Variants in TSHZ3 observed in about 807,000 individuals in gnomAD.
The protein encoded by TSHZ3 is teashirt homolog 3.
In TSHZ3, 10 loss-of-function variants were observed where a neutral mutation model predicts 64.5. The observed-to-expected ratio is 0.16, with a 90% CI of 0.10 to 0.26. The LOEUF (loss-of-function observed/expected upper bound fraction) is 0.26. TSHZ3 is among the 10% of genes least tolerant of loss of function. The pLI is 1.00. For missense variants in TSHZ3, 1,242 were observed against 1,421.7 expected (o/e 0.87, Z 2.03); for synonymous variants, 608 against 593.1 (o/e 1.03, Z -0.36).
chr19:31,307,658 G>T (rs189892082), intron 1 of TSHZ3, among the ~76,000 whole-genome samples: 2 of 152,194 alleles, frequency 1.3e-5, no homozygotes, highest in Non-Finnish European at 2.9e-5. Context: ...AAATGTTACC[G>T]AGGAAATAAT....
intron 1 of TSHZ3, among the ~76,000 whole-genome samples, chr19:31,315,938 AT>A (rs35132496): frequency 1.3e-5 from 2 of 151,306 alleles, no homozygotes; most frequent in Admixed American, 6.6e-5. Context: ...GACATCGACC[AT>A]TTTTTTTTCC....
In TSHZ3 at chr19:31,325,444, C is replaced by T. The variant is rs114414449; in HGVS notation, c.40+23736G>A. 4.5e-3 allele frequency among the ~76,000 whole-genome samples: 690 copies of T among 152,270 alleles called. 5 individuals carry two copies. The highest frequency in any genetic ancestry group is 0.016 in the African/African-American group (656 of 41,550). On this transcript the variant is annotated intron_variant, in intron 1 of 1. Coordinates refer to ENST00000240587, the MANE Select transcript of TSHZ3 (RefSeq NM_020856.4). ...ACAGGGATTCATATGCTTTCATATC[C>T]GTATCCATTTTTGTTGATGCATGGA...
intron 1 of TSHZ3, among the ~76,000 whole-genome samples, chr19:31,295,929 C>G (rs1976652905): frequency 6.9e-6 from 1 of 145,234 alleles, no homozygotes; most frequent in South Asian, 2.4e-4. Context: ...TTGCCCCTCG[C>G]TTTCCCCCAC....
intron 1 of TSHZ3, among the ~76,000 whole-genome samples, chr19:31,297,060 C>T (rs555525117): frequency 6.6e-6 from 1 of 152,154 alleles, no homozygotes; most frequent in East Asian, 1.9e-4. Context: ...TGGGAAATAC[C>T]CAAAGCATCC....
chr19:31,347,091 A>T (rs2021540727), intron 1 of TSHZ3, among the ~76,000 whole-genome samples: 2 of 152,134 alleles, frequency 1.3e-5, no homozygotes, highest in Admixed American at 1.3e-4. Flanking sequence ...TCATTTTGAT[A>T]GAGCAAAACC....
At chr19:31,185,315 C>G (rs1322281724) in intron 5 of TSHZ3, among the ~76,000 whole-genome samples, 1 of 152,188 alleles carries the variant, frequency 6.6e-6, no homozygotes, top group Non-Finnish European at 1.5e-5. Context: ...GCAACTTCTC[C>G]CTCGCTTCCT....
At chr19:31,210,742 T>C (rs868528970) in intron 4 of TSHZ3, among the ~76,000 whole-genome samples, 1 of 152,204 alleles carries the variant, frequency 6.6e-6, no homozygotes, top group Non-Finnish European at 1.5e-5. Flanking sequence ...AGGTTACAGA[T>C]ACATAATTTG....
At chr19:31,193,002 C>T (rs1310544736) in intron 5 of TSHZ3, among the ~76,000 whole-genome samples, 2 of 152,140 alleles carry the variant, frequency 1.3e-5, no homozygotes, top group Non-Finnish European at 2.9e-5. Flanking sequence ...GCAATAGGTA[C>T]CTACAGGGGC....
chr19:31,191,075 G>T (rs977079957), intron 5 of TSHZ3, among the ~76,000 whole-genome samples: 4 of 151,994 alleles, frequency 2.6e-5, no homozygotes, highest in African/African-American at 4.8e-5. Context: ...TCAATCAAAT[G>T]GTTTAACTGG....
intron 3 of TSHZ3, among the ~76,000 whole-genome samples, chr19:31,232,599 G>A (rs1195598846): frequency 1.3e-5 from 2 of 152,164 alleles, no homozygotes; most frequent in African/African-American, 4.8e-5. Flanking sequence ...TAAATGTACA[G>A]GTCAATGGCA....
intron 1 of TSHZ3, among the ~76,000 whole-genome samples, chr19:31,339,992 AAAGC>A (rs950785401): frequency 6.8e-4 from 104 of 152,246 alleles, no homozygotes; most frequent in African/African-American, 2.5e-3. Context: ...GGCTGACACA[AAAGC>A]AAGATAAAAA....
intron 1 of TSHZ3, among the ~76,000 whole-genome samples, chr19:31,327,702 G>A (rs1916972513): frequency 6.6e-6 from 1 of 152,082 alleles, no homozygotes; most frequent in Non-Finnish European, 1.5e-5. Flanking sequence ...GAGCCAGGCA[G>A]TATACTTAAA....
chr19:31,185,468 G>A (rs902054937), intron 5 of TSHZ3, among the ~76,000 whole-genome samples: 2 of 152,208 alleles, frequency 1.3e-5, no homozygotes, highest in African/African-American at 4.8e-5. Flanking sequence ...AATCCTCTAT[G>A]GTGAACAGAG....
intron 1 of TSHZ3, among the ~76,000 whole-genome samples, chr19:31,252,650 T>G (rs2145192599): frequency 6.6e-6 from 1 of 152,322 alleles, no homozygotes; most frequent in South Asian, 2.1e-4. Flanking sequence ...TGTGAAGAAG[T>G]TGCCTGCTTC....
In TSHZ3 at chr19:31,277,542, A is replaced by G. The variant is rs989538034; in HGVS notation, c.2251T>C (p.Phe751Leu). The change falls in exon 2 of 2, where the codon TTC becomes CTC. Residue 751 changes from phenylalanine (F) to leucine (L), a missense_variant. Coordinates refer to ENST00000240587, the MANE Select transcript of TSHZ3 (RefSeq NM_020856.4). This position sits in a 1 kb window ranked among gnomAD's most constrained non-coding sequence, Gnocchi z 4.5. ...TCCGCCAGGCTGTTGCTCATCTTGA[A>G]AAGCATGCTCATGGGGTCCAGGGCA... ...LPALDPMSML[F>L]KMSNSLAEKA... The G allele has an allele frequency of 1.9e-6, 3 of 1,601,134 alleles. No individual in the cohort carries two copies. Among genetic ancestry groups the G allele is most frequent in the Admixed American group, 3.4e-5 (2 of 59,054 alleles).
chr19:31,152,345 C>T (rs532162817), intron 6 of TSHZ3, among the ~76,000 whole-genome samples: 6 of 151,898 alleles, frequency 4.0e-5, no homozygotes, highest in African/African-American at 1.4e-4. Context: ...TTTTTGTCAG[C>T]CCATCCCAGA....
At chr19:31,340,529 G>A (rs1318032942) in intron 1 of TSHZ3, among the ~76,000 whole-genome samples, 2 of 151,640 alleles carry the variant, frequency 1.3e-5, no homozygotes, top group African/African-American at 4.8e-5. Context: ...GCGGCGGGCA[G>A]GGAGGAGGGG....
At chr19:31,333,668 G>T (rs1483776215) in intron 1 of TSHZ3, among the ~76,000 whole-genome samples, 1 of 151,948 alleles carries the variant, frequency 6.6e-6, no homozygotes, top group Admixed American at 6.6e-5. Flanking sequence ...CAGTGATGGG[G>T]CCCGGGGGAC....
At chr19:31,226,462 G>T (rs1321474698) in intron 4 of TSHZ3, among the ~76,000 whole-genome samples, 1 of 152,068 alleles carries the variant, frequency 6.6e-6, no homozygotes, top group South Asian at 2.1e-4. Context: ...ACTATGTAAG[G>T]TGTGCCTTTT....
Sources: allele counts gnomAD v4.1 joint callset (sites outside exome capture counted in the v4.1 genomes callset), GRCh38; gene constraint gnomAD v4.1.1; non-coding constraint Gnocchi (gnomAD v3.1); transcripts MANE v1.5; gene names NCBI Gene and HGNC (gene_info 2026-07-23, HGNC 2026-07-21).